RBM10: variants seen among roughly 807,000 people sequenced by gnomAD.
RBM10 encodes RNA binding motif protein 10, also known as RNA-binding protein 10.
In RBM10, 1 loss-of-function variant was observed where a neutral mutation model predicts 84.9. The observed-to-expected ratio is 0.01, with a 90% CI of 0.00 to 0.06. RBM10 has a LOEUF of 0.06. Among genes scored for constraint, RBM10 ranks in the 10% least tolerant of loss-of-function variants. The pLI, the probability that RBM10 is intolerant of heterozygous loss-of-function variation, is 1.00. For synonymous variants in RBM10, 326 were observed against 344.5 expected (o/e 0.95, Z 0.60); for missense variants, 438 against 839.0 (o/e 0.52, Z 5.90).
intron 2 of RBM10, among the ~76,000 whole-genome samples, chrX:47,149,106 T>G (rs1244660098): frequency 8.9e-6 from 1 of 111,845 alleles, no homozygotes; most frequent in African/African-American, 3.3e-5. Flanking sequence ...GACTGTGTTT[T>G]CAGTTGACAC....
At chrX:47,173,413 G>C (rs782621964) in intron 5 of RBM10, among the ~76,000 whole-genome samples, 10 of 112,281 alleles carry the variant, frequency 8.9e-5, no homozygotes, top group African/African-American at 2.9e-4. Flanking sequence ...GGGCAGGGGT[G>C]CAGCTCTGAG....
chrX:47,170,917 G>A (rs1425180748), intron 3 of RBM10, 111 bp from the exon 4 acceptor site: 7 of 793,126 alleles, frequency 8.8e-6, no homozygotes, highest in Non-Finnish European at 1.3e-5. Context: ...GCCGGAGCCC[G>A]CACATCCCTG....
chrX:47,176,714 GTCTCTCTC>G (rs59489451), intron 7 of RBM10, 128 bp downstream of exon 7: 23 of 947,346 alleles, frequency 2.4e-5, no homozygotes, highest in African/African-American at 4.8e-5. Context: ...CTCTCCCTCT[GTCTCTCTC>G]TCTCTCTCTC....
At chrX:47,160,220 G>A (rs1556766379) in intron 2 of RBM10, among the ~76,000 whole-genome samples, 1 of 112,142 alleles carries the variant, frequency 8.9e-6, no homozygotes, top group Non-Finnish European at 1.9e-5. Context: ...TTATGGCTAA[G>A]TCCCCAAAAG....
chrX:47,177,333 A>G (rs1935217481), intron 7 of RBM10, among the ~76,000 whole-genome samples: 1 of 111,981 alleles, frequency 8.9e-6, no homozygotes, highest in African/African-American at 3.3e-5. Context: ...AGGTGGAACC[A>G]TGGGTGAACC....
At position 47,186,739 on chromosome X, in the gene RBM10, T is replaced by C. The variant is rs972054656; in HGVS notation, c.*140T>C. ...CCAGAGAGGGCTTGACCAAATCAAA[T>C]TGAGGTGGTGACTTTTGTTGGAAAA... is the stretch of plus-strand genomic sequence containing the variant. On this transcript the variant is annotated 3_prime_UTR_variant, in exon 24 of 24. Coordinates refer to ENST00000377604, the MANE Select transcript of RBM10 (RefSeq NM_005676.5). 8.6e-6 allele frequency: 7 copies of C among 809,758 alleles called. No homozygotes were observed. Among genetic ancestry groups the C allele is most frequent in the Non-Finnish European group, 1.1e-5 (6 of 548,385 alleles). 66.7% of individuals were successfully genotyped at this position (809,758 alleles called of 1,213,427 possible).
At chrX:47,146,795 G>A (rs1463793890) in intron 1 of RBM10, among the ~76,000 whole-genome samples, 1 of 111,375 alleles carries the variant, frequency 9.0e-6, no homozygotes, top group Non-Finnish European at 1.9e-5. Flanking sequence ...CAGGGAGGTG[G>A]CAGCTGTCTC....
chrX:47,162,140 C>CCAA (rs1556766961), intron 2 of RBM10, among the ~76,000 whole-genome samples: 1 of 112,787 alleles, frequency 8.9e-6, no homozygotes, highest in Non-Finnish European at 1.9e-5. Context: ...TGCGCCCAGC[C>CCAA]TGTCCTTTGT....
chrX:47,184,869 G>A (rs1419785981), intron 17 of RBM10, among the ~76,000 whole-genome samples, 186 bp from the exon 18 acceptor site: 2 of 111,139 alleles, frequency 1.8e-5, no homozygotes, highest in African/African-American at 6.6e-5. Flanking sequence ...TCATGAAAGA[G>A]CGCTCTGCTG....
chrX:47,167,583 C>CG lies in RBM10; in HGVS notation c.18-1731dup, dbSNP rs1400304947. Among the ~76,000 whole-genome samples, 14 of 111,366 alleles carry CG rather than the reference C, an allele frequency of 1.3e-4. No homozygotes were observed. The Admixed American group carries it at 1.3e-3, about 11-fold the overall frequency. On this transcript the variant is annotated intron_variant, in intron 2 of 23. Transcript: ENST00000377604. ...TTCACCATGTTGGCCAGGCTGGTCT[C>CG]GAATTCCTGACCTCAAGTGATCTGC...
Position 47,182,047 on chromosome X carries a change from T to C in RBM10, c.1785+5T>C, listed in dbSNP as rs2147196348. 4 of 1,211,129 alleles carry C rather than the reference T, an allele frequency of 3.3e-6. No individual in the cohort carries two copies. The highest frequency in any genetic ancestry group is 4.5e-6 in the Non-Finnish European group (4 of 895,348). On this transcript the variant is annotated splice_donor_5th_base_variant and intron_variant, in intron 16 of 23. Coordinates refer to ENST00000377604, the MANE Select transcript of RBM10 (RefSeq NM_005676.5). The stretch of plus-strand genomic sequence containing the variant: ...TACTATGACCCCAACTCCCAGGTAA[T>C]AGGGCAGCCCAGGGAGGGATGGGAT...
chrX:47,174,959 C>T (rs1935023613), intron 5 of RBM10, 60 bp from the exon 6 acceptor site: 5 of 1,039,038 alleles, frequency 4.8e-6, no homozygotes, highest in Admixed American at 2.2e-5. Context: ...CCCCCGGGAA[C>T]GCCGTGTGTC....
At chrX:47,184,305 T>C (rs1455175884) in intron 17 of RBM10, among the ~76,000 whole-genome samples, 1 of 109,650 alleles carries the variant, frequency 9.1e-6, no homozygotes, top group Non-Finnish European at 1.9e-5. Context: ...AATTTTGTAT[T>C]TTTTTAGTAG....
chrX:47,179,536 C>T (rs2147170360), intron 9 of RBM10, 41 bp downstream of exon 9: 2 of 1,162,234 alleles, frequency 1.7e-6, no homozygotes, highest in Non-Finnish European at 1.2e-6. Flanking sequence ...CCTAGGGTGT[C>T]GGGCTGGGCT....
chrX:47,173,021 G>T (rs1934787983), intron 4 of RBM10, 107 bp from the exon 5 acceptor site: 2 of 1,186,059 alleles, frequency 1.7e-6, no homozygotes, highest in South Asian at 3.7e-5. Flanking sequence ...AGGAGACTGT[G>T]TGCACATCAC....
intron 2 of RBM10, among the ~76,000 whole-genome samples, chrX:47,163,887 G>A (rs1251337587): frequency 3.8e-4 from 4 of 10,520 alleles, no homozygotes; most frequent in Non-Finnish European, 6.8e-4. Context: ...TTTTTTTTTT[G>A]AGACGGAGTC....
At chrX:47,148,162 A>T (rs1932456249) in intron 2 of RBM10, among the ~76,000 whole-genome samples, 1 of 112,141 alleles carries the variant, frequency 8.9e-6, no homozygotes, top group Non-Finnish European at 1.9e-5. Flanking sequence ...AATAATTTTT[A>T]AAATGTTTTA....
chrX:47,157,474 C>T, intron 2 of RBM10: 1 of 390,811 alleles, frequency 2.6e-6, no homozygotes, highest in Non-Finnish European at 4.7e-6. Context: ...CACATGGTGT[C>T]ATCCCCGCAC....
chrX:47,170,252 G>A (rs1215722598), intron 3 of RBM10, among the ~76,000 whole-genome samples: 1 of 113,618 alleles, frequency 8.8e-6, no homozygotes, highest in Admixed American at 9.2e-5. Flanking sequence ...TGGACTGCCA[G>A]GCTTCTCCAG....
Sources: allele counts gnomAD v4.1 joint callset (sites outside exome capture counted in the v4.1 genomes callset), GRCh38; gene constraint gnomAD v4.1.1; transcripts MANE v1.5; gene names NCBI Gene and HGNC (gene_info 2026-07-23, HGNC 2026-07-21).